CDH13: variants seen among roughly 807,000 people sequenced by gnomAD.
The protein encoded by CDH13 is cadherin-13.
A neutral mutation model predicts 63.8 loss-of-function variants in CDH13; 24 were observed. The ratio of observed to expected loss-of-function variants is 0.38; its 90% CI spans 0.27 to 0.53. The LOEUF is 0.53. Among genes scored for constraint, CDH13 ranks in the 20% least tolerant of loss-of-function variants. The probability of loss-of-function intolerance (pLI) is 0.85; values close to 1 mark genes in which losing one functional copy is unlikely to be tolerated. For missense variants in CDH13, 1,049 were observed against 903.1 expected, an observed-to-expected ratio of 1.16 and a Z score of -2.07; for synonymous variants, 503 against 355.3, an observed-to-expected ratio of 1.42 and a Z score of -4.67.
At chr16:83,029,821 G>T (rs146920930) in intron 2 of CDH13, among the ~76,000 whole-genome samples, 1 of 152,248 alleles carries the variant, frequency 6.6e-6, no homozygotes, top group East Asian at 1.9e-4. Context: ...TCATTGGGTT[G>T]TATGTTCTGA....
intron 3 of CDH13, among the ~76,000 whole-genome samples, chr16:83,106,514 C>G (rs1440076122): frequency 6.6e-6 from 1 of 152,162 alleles, no homozygotes; most frequent in Non-Finnish European, 1.5e-5. Context: ...GCACTCCAGC[C>G]TGGGCGACAA....
intron 5 of CDH13, among the ~76,000 whole-genome samples, chr16:83,233,610 C>A (rs1643994596): frequency 6.6e-6 from 1 of 152,174 alleles, no homozygotes; most frequent in South Asian, 2.1e-4. Context: ...CACCTGCATT[C>A]TTCAGCTCAT....
chr16:83,344,983 A>G lies in CDH13; in HGVS notation c.758A>G (p.His253Arg), dbSNP rs1357675448. The G allele has an allele frequency of 1.2e-6, 2 of 1,613,980 alleles. No individual in the cohort carries two copies. The highest frequency in any genetic ancestry group is 1.7e-5 in the Admixed American group (1 of 60,024). Residue 253 changes from histidine (H) to arginine (R), a missense_variant, in exon 6 of 14, where the codon CAC becomes CGC. Physicochemically the swap from His to Arg is conservative, Grantham distance 29. Transcript: ENST00000567109. ...PIFREGPYIG[H>R]VMEGSPTGTT... ...TTTCGGGAAGGCCCCTACATCGGCC[A>G]CGTCATGGAAGGGTCACCCACAGGT...
chr16:83,685,638 T>C (rs1904300731), intron 10 of CDH13, among the ~76,000 whole-genome samples: 2 of 152,042 alleles, frequency 1.3e-5, no homozygotes, highest in African/African-American at 4.8e-5. Flanking sequence ...GGTGTCCCTA[T>C]AAAGGAAGAA....
chr16:83,071,481 G>C (rs1374808355), intron 3 of CDH13, among the ~76,000 whole-genome samples: 1 of 152,178 alleles, frequency 6.6e-6, no homozygotes, highest in Admixed American at 6.5e-5. Flanking sequence ...TAAAGGGCCA[G>C]ACCCTTTGCT....
At chr16:82,869,137 C>T (rs1448742681) in intron 2 of CDH13, among the ~76,000 whole-genome samples, 1 of 152,170 alleles carries the variant, frequency 6.6e-6, no homozygotes, top group African/African-American at 2.4e-5. Flanking sequence ...ACCTCTGCCT[C>T]CTGGGTTCAA....
intron 7 of CDH13, among the ~76,000 whole-genome samples, chr16:83,549,380 C>G (rs1017595950): frequency 2.0e-5 from 3 of 152,078 alleles, no homozygotes; most frequent in African/African-American, 7.2e-5. Context: ...AAGAAAGTAC[C>G]ACATCAGCGT....
chr16:82,854,706 C>T (rs16958771), intron 1 of CDH13, among the ~76,000 whole-genome samples: 5,701 of 152,226 alleles, frequency 0.037, 143 homozygotes, highest in Middle Eastern at 0.11. Flanking sequence ...TGTGGTTTTG[C>T]TTTCCTTGAT....
intron 3 of CDH13, among the ~76,000 whole-genome samples, chr16:83,037,814 T>A (rs922600760): frequency 6.6e-6 from 1 of 152,184 alleles, no homozygotes; most frequent in Non-Finnish European, 1.5e-5. Context: ...GGCAAGTGAC[T>A]CAATTATCTG....
At chr16:82,789,627 T>G (rs900084500) in intron 1 of CDH13, among the ~76,000 whole-genome samples, 1 of 152,230 alleles carries the variant, frequency 6.6e-6, no homozygotes, top group Non-Finnish European at 1.5e-5. Context: ...ACACACCTGT[T>G]TCTACAAGAG....
chr16:83,701,371 T>C (rs1906198376), intron 10 of CDH13, among the ~76,000 whole-genome samples: 1 of 152,194 alleles, frequency 6.6e-6, no homozygotes, highest in Non-Finnish European at 1.5e-5. Context: ...GACATATTTG[T>C]ATGTTTCCTT....
At chr16:82,856,015 A>G (rs935534556) in intron 1 of CDH13, among the ~76,000 whole-genome samples, 3 of 152,166 alleles carry the variant, frequency 2.0e-5, no homozygotes, top group Non-Finnish European at 4.4e-5. Context: ...TTTGTTTTCT[A>G]AGAAACACAC....
intron 9 of CDH13, among the ~76,000 whole-genome samples, chr16:83,676,283 A>C (rs566941907): frequency 5.1e-4 from 77 of 152,262 alleles, no homozygotes; most frequent in Non-Finnish European, 9.9e-4. Context: ...CAGATGTCAG[A>C]CCAAACTAGG....
chr16:83,551,294 T>G (rs534490982), intron 7 of CDH13, among the ~76,000 whole-genome samples: 1 of 152,222 alleles, frequency 6.6e-6, no homozygotes, highest in Non-Finnish European at 1.5e-5. Context: ...GTTGAGCAGG[T>G]GACCCCAAGT....
chr16:83,243,071 G>A (rs990812740), intron 5 of CDH13, among the ~76,000 whole-genome samples: 1 of 152,094 alleles, frequency 6.6e-6, no homozygotes, highest in Non-Finnish European at 1.5e-5. Flanking sequence ...TGAGTAATTG[G>A]TACAGCCAGG....
chr16:82,838,703 G>A (rs932899793), intron 1 of CDH13, among the ~76,000 whole-genome samples: 1 of 152,120 alleles, frequency 6.6e-6, no homozygotes, highest in African/African-American at 2.4e-5. Flanking sequence ...TCATTGTGGG[G>A]ACCTCTATTT....
intron 6 of CDH13, among the ~76,000 whole-genome samples, chr16:83,432,782 G>C (rs1289401929): frequency 1.7e-4 from 26 of 152,172 alleles, no homozygotes. Context: ...CACAGCCTCA[G>C]AGCATCCCTG....
intron 7 of CDH13, among the ~76,000 whole-genome samples, chr16:83,567,888 C>T (rs1176059490): frequency 6.6e-6 from 1 of 152,216 alleles, no homozygotes; most frequent in Non-Finnish European, 1.5e-5. Flanking sequence ...AGCCACCACG[C>T]CCGGCCTAGA....
intron 4 of CDH13, among the ~76,000 whole-genome samples, chr16:83,142,303 G>A (rs1018349865): frequency 1.3e-5 from 2 of 151,914 alleles, no homozygotes; most frequent in African/African-American, 2.4e-5. Context: ...TGGAACTACA[G>A]GTGTGTGCCC....
Sources: allele counts gnomAD v4.1 joint callset (sites outside exome capture counted in the v4.1 genomes callset), GRCh38; gene constraint gnomAD v4.1.1; transcripts MANE v1.5; gene names NCBI Gene and HGNC (gene_info 2026-07-23, HGNC 2026-07-21).